Variants in IL31RA observed in about 807,000 individuals in gnomAD.
IL31RA encodes interleukin 31 receptor A, also known as interleukin-31 receptor subunit alpha.
Under a neutral mutation model 83.7 loss-of-function variants are expected in IL31RA, and 66 were observed. That is an observed-to-expected ratio of 0.79 (90% CI 0.65 to 0.97). The LOEUF (loss-of-function observed/expected upper bound fraction) is 0.97, where lower values mean the gene tolerates loss of function less well. IL31RA is among the 50% of genes least tolerant of loss of function. IL31RA has a pLI of 0.00. For missense variants in IL31RA, 798 were observed against 919.4 expected (o/e 0.87, Z 1.71); for synonymous variants, 325 against 329.0 (o/e 0.99, Z 0.13).
chr5:55,905,662 C>T (rs930806412), intron 8 of IL31RA, among the ~76,000 whole-genome samples: 8 of 152,292 alleles, frequency 5.3e-5, no homozygotes, highest in East Asian at 3.9e-4. Context: ...CAGAGCCAGA[C>T]TATATAGTGA....
chr5:55,872,560 G>A (rs1320919914), intron 4 of IL31RA, 109 bp downstream of exon 4: 3 of 441,776 alleles, frequency 6.8e-6, no homozygotes, highest in African/African-American at 6.4e-5. Context: ...TCAAGGATAT[G>A]TGTTGTGGGT....
At chr5:55,870,523 A>C (rs1561545903) in intron 3 of IL31RA, among the ~76,000 whole-genome samples, 1 of 151,970 alleles carries the variant, frequency 6.6e-6, no homozygotes, top group Non-Finnish European at 1.5e-5. Context: ...GTTTACTGCT[A>C]TTTTTCTGTC....
At chr5:55,916,152 G>A (rs970724986) in intron 14 of IL31RA, among the ~76,000 whole-genome samples, 5 of 152,172 alleles carry the variant, frequency 3.3e-5, no homozygotes, top group Admixed American at 1.3e-4. Flanking sequence ...GGCCAAGGCA[G>A]GGGGGATTGC....
chr5:55,913,488 A>T lies in IL31RA; in HGVS notation c.1654A>T (p.Ile552Phe). The T allele has an allele frequency of 6.2e-7, 1 of 1,610,294 alleles. No individual in the cohort carries two copies. Among genetic ancestry groups the T allele is most frequent in the Non-Finnish European group, 8.5e-7 (1 of 1,176,512 alleles). Residue 552 changes from isoleucine (I) to phenylalanine (F), a missense_variant, in exon 13 of 15, where the codon ATT (isoleucine) becomes TTT (phenylalanine). By Grantham distance (21) the Ile-to-Phe change is conservative. Coordinates refer to ENST00000652347, the MANE Select transcript of IL31RA (RefSeq NM_139017.7). Reference protein sequence around the residue: ...FKTLSFSVFEIILITSLIGGG... With the variant: ...FKTLSFSVFEFILITSLIGGG... ...TTTGTTTTTCAAAGGTGTCTTTGAG[A>T]TTATCCTCATAACTTCTCTGATTGG...
chr5:55,860,208 A>G (rs893408640), intron 2 of IL31RA, among the ~76,000 whole-genome samples: 1 of 152,042 alleles, frequency 6.6e-6, no homozygotes, highest in Non-Finnish European at 1.5e-5. Context: ...GTCTCTACTA[A>G]AAATACAAAA....
chr5:55,842,790 T>C, the IL31RA span, among the ~76,000 whole-genome samples: 1 of 152,226 alleles, frequency 6.6e-6, no homozygotes, highest in African/African-American at 2.4e-5. Flanking sequence ...CTTTGAGTTA[T>C]GTTTGTGGAA....
chr5:55,868,766 G>T, intron 2 of IL31RA, 25 bp from the exon 3 acceptor site: 4 of 1,216,666 alleles, frequency 3.3e-6, no homozygotes, highest in Non-Finnish European at 4.9e-6. Flanking sequence ...TTGTGTTTGT[G>T]TGTGTGTGTG....
Position 55,883,071 on chromosome 5 carries a change from G to C in IL31RA, c.482G>C (p.Arg161Pro). 1.2e-6 allele frequency: 2 copies of C among 1,613,928 alleles called. No individual in the cohort carries two copies. Among genetic ancestry groups the C allele is most frequent in the South Asian group, 2.2e-5 (2 of 91,070 alleles). The change falls in exon 5 of 15, where the codon CGT becomes CCT. Residue 161 changes from arginine (R) to proline (P), a missense_variant. Coordinates refer to ENST00000652347, the MANE Select transcript of IL31RA (RefSeq NM_139017.7). ...AAAACTGAACCACCTAAGATTTTCC[G>C]TGTGAAACCAGTTTTGGGCATCAAA... ...IAKTEPPKIF[R>P]VKPVLGIKRM...
intron 5 of IL31RA, among the ~76,000 whole-genome samples, chr5:55,885,916 G>A (rs16884615): frequency 0.11 from 16,900 of 152,128 alleles, 1,647 homozygotes; most frequent in African/African-American, 0.26. Context: ...TTCTGGGATA[G>A]TCTACTGGCT....
intron 12 of IL31RA, among the ~76,000 whole-genome samples, chr5:55,912,976 T>C (rs924768336): frequency 7.9e-5 from 12 of 152,098 alleles, no homozygotes; most frequent in East Asian, 3.9e-4. Context: ...AAAAAAAATT[T>C]ATAAAAATTA....
upstream of IL31RA, among the ~76,000 whole-genome samples, chr5:55,850,517 A>G (rs1427375245): frequency 6.6e-6 from 1 of 152,262 alleles, no homozygotes; most frequent in East Asian, 1.9e-4. Flanking sequence ...TTTTGTGGGT[A>G]CAACATTTTT....
At chr5:55,845,674 A>C in the IL31RA span, among the ~76,000 whole-genome samples, 3 of 151,962 alleles carry the variant, frequency 2.0e-5, no homozygotes, top group Non-Finnish European at 4.4e-5. Context: ...GAAGGTGCCT[A>C]CTTCTCCTTT....
intron 6 of IL31RA, among the ~76,000 whole-genome samples, chr5:55,891,761 ATTTTTTTTTTTTTTTTT>A (rs35672011): frequency 1.0e-4 from 6 of 59,994 alleles, no homozygotes; most frequent in African/African-American, 1.3e-4. Flanking sequence ...TTTGGACAAG[ATTTTTTTTTTTTTTTTT>A]TTTTTTTTTT....
intron 6 of IL31RA, among the ~76,000 whole-genome samples, chr5:55,895,178 A>G (rs1355790342): frequency 6.6e-6 from 1 of 152,234 alleles, no homozygotes; most frequent in Non-Finnish European, 1.5e-5. Context: ...TCAAGAAAAA[A>G]TTCAGAGTGC....
chr5:55,888,780 C>G (rs1747797976), intron 5 of IL31RA, among the ~76,000 whole-genome samples: 1 of 152,166 alleles, frequency 6.6e-6, no homozygotes, highest in Admixed American at 6.5e-5. Flanking sequence ...GCTCAGGGAA[C>G]CTGGGATTTA....
At chr5:55,867,987 A>G (rs1291623289) in intron 2 of IL31RA, among the ~76,000 whole-genome samples, 4 of 152,214 alleles carry the variant, frequency 2.6e-5, no homozygotes, top group Admixed American at 2.0e-4. Context: ...ACCAAACCAT[A>G]TAAATATTTT....
chr5:55,846,573 C>T (rs556945488), upstream of IL31RA, among the ~76,000 whole-genome samples: 9 of 152,030 alleles, frequency 5.9e-5, no homozygotes, highest in Non-Finnish European at 1.2e-4. Flanking sequence ...CTGAGGTGGG[C>T]GGATCACGAG....
intron 14 of IL31RA, among the ~76,000 whole-genome samples, chr5:55,915,449 C>T (rs770725989): frequency 1.4e-4 from 22 of 152,112 alleles, no homozygotes; most frequent in Admixed American, 2.6e-4. Context: ...GTGAGTATTC[C>T]TTAACTAGAA....
chr5:55,903,646 G>C lies in IL31RA; in HGVS notation c.1070-2460G>C, dbSNP rs1352976682. On this transcript the variant is annotated intron_variant, in intron 8 of 14. Coordinates refer to ENST00000652347, the MANE Select transcript of IL31RA (RefSeq NM_139017.7). The surrounding 1 kb of genome is among the most constrained non-coding windows in gnomAD (Gnocchi z 4.7). ...GACCCGGATCTCCCTGCTCCTCAGAGCTCCAGTGTTGGTGAGAAGGAGTGT... is the reference window on the plus strand; with the variant it reads ...GACCCGGATCTCCCTGCTCCTCAGACCTCCAGTGTTGGTGAGAAGGAGTGT... 2.0e-5 allele frequency among the ~76,000 whole-genome samples: 3 copies of C among 152,208 alleles called. No individual in the cohort carries two copies. The highest frequency in any genetic ancestry group is 4.4e-5 in the Non-Finnish European group (3 of 68,038).
Sources: gnomAD v4.1 joint callset for allele counts (sites outside exome capture counted in the v4.1 genomes callset) on GRCh38, gnomAD v4.1.1 for gene constraint, Gnocchi (gnomAD v3.1) non-coding constraint, MANE v1.5 for transcripts, NCBI Gene and HGNC (gene_info 2026-07-23, HGNC 2026-07-21) for gene names.